The following NACC2 variants were observed in gnomAD, a reference collection of about 807,000 sequenced individuals.
The protein encoded by NACC2 is nucleus accumbens-associated protein 2.
NACC2 carries 8 observed loss-of-function variants against 25.1 expected under a neutral mutation model. That is an observed-to-expected ratio of 0.32 (90% CI 0.19 to 0.57). The LOEUF (loss-of-function observed/expected upper bound fraction) is 0.57, where lower values mean the gene tolerates loss of function less well. Among genes scored for constraint, NACC2 ranks in the 20% least tolerant of loss-of-function variants. The pLI is 0.89. For missense variants in NACC2, 644 were observed against 650.2 expected, an observed-to-expected ratio of 0.99 and a Z score of 0.10; for synonymous variants, 435 against 294.7, an observed-to-expected ratio of 1.48 and a Z score of -4.88.
intron 2 of NACC2, among the ~76,000 whole-genome samples, chr9:136,023,725 C>T (rs1022811174): frequency 1.3e-5 from 2 of 152,204 alleles, no homozygotes; most frequent in African/African-American, 2.4e-5. Flanking sequence ...GCAGGTGGCC[C>T]GCCCTGCCTT....
chr9:136,013,843 A>T lies in NACC2; in HGVS notation c.1157+21T>A. 6.2e-7 allele frequency: 1 copy of T among 1,605,828 alleles called. No homozygotes were observed. The highest frequency in any genetic ancestry group is 8.5e-7 in the Non-Finnish European group (1 of 1,174,446). On this transcript the variant is annotated intron_variant, in intron 4 of 5. Coordinates refer to ENST00000277554, the MANE Select transcript of NACC2 (RefSeq NM_144653.5). This position sits in a 1 kb window ranked among gnomAD's most constrained non-coding sequence, Gnocchi z 6.6. ...CCTCCGCAGCTCCATTGTGCCCTCC[A>T]GCACTCCTGCCCCGACCTACCTGTC...
intron 2 of NACC2, among the ~76,000 whole-genome samples, chr9:136,047,339 G>A (rs1468693132): frequency 6.6e-6 from 1 of 152,172 alleles, no homozygotes; most frequent in East Asian, 1.9e-4. Context: ...CAACGTCACA[G>A]CCAGTAACCT....
intron 2 of NACC2, among the ~76,000 whole-genome samples, chr9:136,031,741 T>C (rs183837028): frequency 6.6e-6 from 1 of 152,340 alleles, no homozygotes; most frequent in East Asian, 1.9e-4. Flanking sequence ...GTGACACAAA[T>C]CCTAAAGAAG....
At chr9:136,059,959 C>T (rs772093160) in intron 1 of NACC2, among the ~76,000 whole-genome samples, 130 of 152,184 alleles carry the variant, frequency 8.5e-4, no homozygotes, top group Non-Finnish European at 1.0e-3. Context: ...CTCCTCAGGG[C>T]GCACGGGGAG....
chr9:136,083,991 G>C (rs1328211289), intron 1 of NACC2, among the ~76,000 whole-genome samples: 3 of 152,096 alleles, frequency 2.0e-5, no homozygotes, highest in African/African-American at 7.2e-5. Flanking sequence ...TCACTGGGTG[G>C]GGAGACCCAA....
chr9:136,090,704 T>C (rs1830425420), intron 1 of NACC2, among the ~76,000 whole-genome samples: 2 of 152,166 alleles, frequency 1.3e-5, no homozygotes, highest in Non-Finnish European at 2.9e-5. Flanking sequence ...TTATTTTCAA[T>C]CAACAAACAT....
chr9:136,091,471 G>A (rs376746335), intron 1 of NACC2, among the ~76,000 whole-genome samples: 62 of 152,320 alleles, frequency 4.1e-4, no homozygotes, highest in African/African-American at 1.5e-3. Context: ...CAGGAGCCCT[G>A]GGTCAGGGTC....
In NACC2 at chr9:136,013,770, G is replaced by A. The variant is rs1840151566; in HGVS notation, c.1157+94C>T. On this transcript the variant is annotated intron_variant, in intron 4 of 5. Coordinates refer to ENST00000277554, the MANE Select transcript of NACC2 (RefSeq NM_144653.5). The surrounding 1 kb of genome is among the most constrained non-coding windows in gnomAD (Gnocchi z 6.6). ...TCAGGAATGCGAGAGGGCTTTCAAT[G>A]CCACAACCCTGGACGATCAGACAGC... 3.5e-6 allele frequency: 4 copies of A among 1,157,896 alleles called. No individual in the cohort carries two copies. Among genetic ancestry groups the A allele is most frequent in the Admixed American group, 2.2e-5 (1 of 44,546 alleles). The allele number at this position is 1,157,896 out of a possible 1,614,324, so 71.7% of individuals were successfully genotyped here. A position where few individuals can be genotyped will look rare whatever the true frequency, so the allele number is the denominator to read the frequency against.
intron 1 of NACC2, among the ~76,000 whole-genome samples, chr9:136,054,501 T>C (rs2131166223): frequency 6.6e-6 from 1 of 152,266 alleles, no homozygotes; most frequent in Admixed American, 6.5e-5. Flanking sequence ...AAATAAAGGC[T>C]TGGCTCACGC....
Position 136,022,932 on chromosome 9 carries a change from C to T in NACC2, c.887-6503G>A, listed in dbSNP as rs1840314536. On this transcript the variant is annotated intron_variant, in intron 2 of 5. Coordinates refer to ENST00000277554, the MANE Select transcript of NACC2 (RefSeq NM_144653.5). The surrounding 1 kb of genome is among the most constrained non-coding windows in gnomAD (Gnocchi z 4.4). ...ACGCCACACCGTGCCTGTTAAGACA[C>T]AGCCCGTTTCGTGGATGCTGACACA... Among the ~76,000 whole-genome samples, 1 of 148,794 alleles carries T rather than the reference C, an allele frequency of 6.7e-6. No individual in the cohort carries two copies.
rs868054958 is a variant in NACC2 at position 136,086,560 on chromosome 9, G to A, written c.-60+8629C>T. Among the ~76,000 whole-genome samples the A allele has an allele frequency of 4.2e-4, 64 of 152,162 alleles. No homozygotes were observed. The highest frequency in any genetic ancestry group is 1.4e-3 in the African/African-American group (60 of 41,506). On this transcript the variant is annotated intron_variant, in intron 1 of 5. Transcript: ENST00000277554. This position sits in a 1 kb window ranked among gnomAD's most constrained non-coding sequence, Gnocchi z 5.6. ...GCACCCAGCCACGGTCCCACCCCGGGCTCCACTGTGACCCACACGCTGTCA... is the reference window on the plus strand; with the variant it reads ...GCACCCAGCCACGGTCCCACCCCGGACTCCACTGTGACCCACACGCTGTCA...
Position 136,008,465 on chromosome 9 carries a change from T to G in NACC2, c.*3051A>C, listed in dbSNP as rs1379988480. 6.6e-6 allele frequency: 1 copy of G among 152,298 alleles called. No individual in the cohort carries two copies. Among genetic ancestry groups the G allele is most frequent in the Admixed American group, 6.5e-5 (1 of 15,296 alleles). 9.4% of individuals were successfully genotyped at this position (152,298 alleles called of 1,614,324 possible). A position where few individuals can be genotyped will look rare whatever the true frequency, so the allele number is the denominator to read the frequency against. On this transcript the variant is annotated 3_prime_UTR_variant, in exon 6 of 6. Coordinates refer to ENST00000277554, the MANE Select transcript of NACC2 (RefSeq NM_144653.5). ...TCTGTAATAGATTCTATATAGGATA[T>G]GCGTATTGCTAATAGTCAGGCTTAG...
At chr9:136,093,516 C>T (rs1429131358) in intron 1 of NACC2, among the ~76,000 whole-genome samples, 7 of 152,206 alleles carry the variant, frequency 4.6e-5, no homozygotes, top group Non-Finnish European at 1.0e-4. Flanking sequence ...CCAGCACCAT[C>T]GAGCCCTGGG....
chr9:136,059,392 C>A lies in NACC2; in HGVS notation c.-59-8812G>T, dbSNP rs1840976813. Among the ~76,000 whole-genome samples, 2 of 152,198 alleles carry A rather than the reference C, an allele frequency of 1.3e-5. 1 individual carries two copies. Among genetic ancestry groups the A allele is most frequent in the South Asian group, 4.1e-4 (2 of 4,838 alleles). On this transcript the variant is annotated intron_variant, in intron 1 of 5. Coordinates refer to ENST00000277554, the MANE Select transcript of NACC2 (RefSeq NM_144653.5). ...CTCAGCACCTCCAGAGAGAAGCCAGCACGGGGGCTGCGCGAGAGGCCCCAG... is the reference window on the plus strand; with the variant it reads ...CTCAGCACCTCCAGAGAGAAGCCAGAACGGGGGCTGCGCGAGAGGCCCCAG...
At chr9:136,092,366 A>T (rs1830442031) in intron 1 of NACC2, among the ~76,000 whole-genome samples, 6 of 152,162 alleles carry the variant, frequency 3.9e-5, no homozygotes. Flanking sequence ...ATCAGCCCCC[A>T]GTGAGACCAG....
At chr9:136,031,951 C>A (rs1286441688) in intron 2 of NACC2, among the ~76,000 whole-genome samples, 2 of 142,524 alleles carry the variant, frequency 1.4e-5, no homozygotes. Context: ...CTGTTAACAG[C>A]TTTCCCGATG....
At chr9:136,090,351 A>C (rs573028033) in intron 1 of NACC2, among the ~76,000 whole-genome samples, 2 of 152,282 alleles carry the variant, frequency 1.3e-5, no homozygotes, top group East Asian at 3.9e-4. Context: ...GCCGCAGAAG[A>C]ACCAAGGAAG....
rs991023071 is a variant in NACC2, at chr9:136,049,593, G to A, written c.886+43C>T. On this transcript the variant is annotated intron_variant, in intron 2 of 5. Coordinates refer to ENST00000277554, the MANE Select transcript of NACC2 (RefSeq NM_144653.5). ...GCCACCCGGGTCCCAGGCAGGCCCC[G>A]CTTCCCAGCCAGGTGGTGTGGGGCT... The A allele has an allele frequency of 6.5e-4, 487 of 746,290 alleles. 5 individuals carry two copies. The highest frequency in any genetic ancestry group is 4.2e-3 in the South Asian group (301 of 71,084). The allele number at this position is 746,290 out of a possible 1,614,324, so 46.2% of individuals were successfully genotyped here. A position where few individuals can be genotyped will look rare whatever the true frequency, so the allele number is the denominator to read the frequency against.
At chr9:136,068,400 G>A (rs1212654015) in intron 1 of NACC2, among the ~76,000 whole-genome samples, 2 of 150,300 alleles carry the variant, frequency 1.3e-5, no homozygotes, top group African/African-American at 5.0e-5. Flanking sequence ...ACAAGAGGCT[G>A]AGGCAGGAGG....
Sources: gnomAD v4.1 joint callset for allele counts (sites outside exome capture counted in the v4.1 genomes callset) on GRCh38, gnomAD v4.1.1 for gene constraint, Gnocchi (gnomAD v3.1) non-coding constraint, MANE v1.5 for transcripts, NCBI Gene and HGNC (gene_info 2026-07-23, HGNC 2026-07-21) for gene names.